The following ALK variants were observed in gnomAD, a reference collection of about 807,000 sequenced individuals.
ALK encodes the protein ALK receptor tyrosine kinase.
In ALK, 74 loss-of-function variants were observed where a neutral mutation model predicts 163.1. The ratio of observed to expected loss-of-function variants is 0.45; its 90% CI spans 0.38 to 0.55. The LOEUF is 0.55. Ranked by LOEUF, ALK falls within the 20% of genes least tolerant of loss-of-function variation. ALK has a pLI of 0.00. For missense variants in ALK, 2,063 were observed against 2,105.3 expected (o/e 0.98, Z 0.39); for synonymous variants, 960 against 843.2 (o/e 1.14, Z -2.40).
intron 15 of ALK, among the ~76,000 whole-genome samples, chr2:29,230,215 G>A (rs950681623): frequency 6.6e-6 from 1 of 151,878 alleles, no homozygotes; most frequent in African/African-American, 2.4e-5. Flanking sequence ...ACCCAATACA[G>A]GGTAAATCCT....
intron 3 of ALK, among the ~76,000 whole-genome samples, chr2:29,638,061 A>C (rs907763998): frequency 3.3e-5 from 5 of 152,140 alleles, no homozygotes; most frequent in Non-Finnish European, 5.9e-5. Flanking sequence ...AGGGCTGTGG[A>C]ATATGTTCTT....
chr2:29,920,093 C>A lies in ALK; in HGVS notation c.567G>T (p.Leu189=). The A allele has an allele frequency of 6.2e-7, 1 of 1,614,194 alleles. No homozygotes were observed. The highest frequency in any genetic ancestry group is 8.5e-7 in the Non-Finnish European group (1 of 1,180,056). Residue 189 remains leucine, a synonymous_variant, in exon 1 of 29, where the codon CTG becomes CTT. Coordinates refer to ENST00000389048, the MANE Select transcript of ALK (RefSeq NM_004304.5). ...CTTCCGACGCCTTCTTCTCGGGCAT[C>A]AGGCGGATCCTCAGTCGCCCTTCGC... ...RQGEGRLRIR[L]MPEKKASEVG... is the part of the protein sequence containing the mutation.
intron 1 of ALK, among the ~76,000 whole-genome samples, chr2:29,804,256 C>A (rs1242977788): frequency 1.3e-5 from 2 of 152,240 alleles, no homozygotes; most frequent in Non-Finnish European, 2.9e-5. Flanking sequence ...TTGCCACTGG[C>A]CCCACAGACA....
At chr2:29,483,404 C>T (rs1671709061) in intron 4 of ALK, among the ~76,000 whole-genome samples, 1 of 152,160 alleles carries the variant, frequency 6.6e-6, no homozygotes, top group Non-Finnish European at 1.5e-5. Context: ...GAGAACCACT[C>T]CTGCTATTCA....
intron 3 of ALK, among the ~76,000 whole-genome samples, chr2:29,616,948 T>G (rs1053859517): frequency 6.6e-5 from 10 of 152,242 alleles, no homozygotes; most frequent in Non-Finnish European, 1.3e-4. Flanking sequence ...TGCATGTGCT[T>G]GACCCACCTC....
chr2:29,334,795 A>T (rs766097003), intron 5 of ALK, among the ~76,000 whole-genome samples: 1 of 152,194 alleles, frequency 6.6e-6, no homozygotes, highest in African/African-American at 2.4e-5. Context: ...CTTGCAGAAG[A>T]GTCAATTAGA....
chr2:29,502,718 T>G (rs889555498), intron 4 of ALK, among the ~76,000 whole-genome samples: 1 of 152,226 alleles, frequency 6.6e-6, no homozygotes, highest in South Asian at 2.1e-4. Context: ...GAAAGCATAT[T>G]GAGTTTATGC....
chr2:29,602,242 C>T (rs1457093831), intron 3 of ALK, among the ~76,000 whole-genome samples: 1 of 152,098 alleles, frequency 6.6e-6, no homozygotes, highest in Non-Finnish European at 1.5e-5. Context: ...ACTCTTATGG[C>T]TCATTTGCCC....
chr2:29,823,119 T>C (rs375144444), intron 1 of ALK, among the ~76,000 whole-genome samples: 1 of 152,198 alleles, frequency 6.6e-6, no homozygotes, highest in African/African-American at 2.4e-5. Context: ...TGAGATCTGA[T>C]AGTTTTATAA....
intron 5 of ALK, among the ~76,000 whole-genome samples, chr2:29,342,054 T>A (rs1401341211): frequency 6.6e-6 from 1 of 152,222 alleles, no homozygotes; most frequent in Admixed American, 6.5e-5. Flanking sequence ...ATTTTTTGAA[T>A]GTGTTATCTT....
At chr2:29,600,671 G>A (rs1675357579) in intron 3 of ALK, among the ~76,000 whole-genome samples, 1 of 152,180 alleles carries the variant, frequency 6.6e-6, no homozygotes, top group Non-Finnish European at 1.5e-5. Context: ...TGGTGGGGGT[G>A]GCCCTGAGAG....
intron 1 of ALK, among the ~76,000 whole-genome samples, chr2:29,801,111 A>G: frequency 6.6e-6 from 1 of 152,222 alleles, no homozygotes; most frequent in Non-Finnish European, 1.5e-5. Context: ...CCTATGGAAG[A>G]CCATGAGGCC....
chr2:29,288,961 AATAAATAAATAAATAAATAAAT>A (rs1665939948), intron 9 of ALK, among the ~76,000 whole-genome samples: 1 of 117,022 alleles, frequency 8.5e-6, no homozygotes, highest in African/African-American at 3.6e-5. Flanking sequence ...CAAAAAAATA[AATAAATAAATAAATAAATAAAT>A]AAATAAATAA....
chr2:29,252,303 GTGT>G (rs1010784357), intron 11 of ALK, among the ~76,000 whole-genome samples: 9 of 151,924 alleles, frequency 5.9e-5, no homozygotes, highest in Non-Finnish European at 1.3e-4. Flanking sequence ...TTTTAAAAAG[GTGT>G]TGTTGATAAA....
At position 29,228,932 on chromosome 2, in the gene ALK, CT is replaced by C; in HGVS notation, c.2766del (p.Gly924ValfsTer15). On this transcript the variant is annotated frameshift_variant, in exon 16 of 29. Coordinates refer to ENST00000389048, the MANE Select transcript of ALK (RefSeq NM_004304.5). LOFTEE classifies it high-confidence loss of function. ...KWGWETRGGF[G>X]GGGGGCSSGG... ...CCTGAGGAGCACCCCCCTCCACCCC[CT>C]CCGAAACCCCCTCTTGTCTCCCACC... The C allele has an allele frequency of 1.7e-5, 25 of 1,503,610 alleles. No homozygotes were observed. The highest frequency in any genetic ancestry group is 3.4e-5 in the South Asian group (3 of 87,892). The allele number at this position is 1,503,610 out of a possible 1,614,324, so 93.1% of individuals were successfully genotyped here.
chr2:29,781,854 C>T (rs1366273519), intron 1 of ALK, among the ~76,000 whole-genome samples: 1 of 152,172 alleles, frequency 6.6e-6, no homozygotes, highest in East Asian at 1.9e-4. Context: ...CTTCTCACAG[C>T]TTTTGGGTGT....
At chr2:29,608,392 G>C (rs985680239) in intron 3 of ALK, among the ~76,000 whole-genome samples, 1 of 152,200 alleles carries the variant, frequency 6.6e-6, no homozygotes, top group African/African-American at 2.4e-5. Flanking sequence ...ATTTTAGGAT[G>C]GATGAACAGA....
intron 1 of ALK, among the ~76,000 whole-genome samples, chr2:29,869,797 T>C (rs1158320743): frequency 2.0e-5 from 3 of 152,156 alleles, no homozygotes; most frequent in Non-Finnish European, 4.4e-5. Flanking sequence ...CTAAAAACTG[T>C]ATCTGCCACA....
intron 9 of ALK, among the ~76,000 whole-genome samples, chr2:29,290,941 G>T (rs1169121307): frequency 6.6e-6 from 1 of 152,172 alleles, no homozygotes; most frequent in East Asian, 1.9e-4. Flanking sequence ...TGCAGCAGGA[G>T]GTGGTGGTGG....
Sources: allele counts gnomAD v4.1 joint callset (sites outside exome capture counted in the v4.1 genomes callset), GRCh38; gene constraint gnomAD v4.1.1; transcripts MANE v1.5; gene names NCBI Gene and HGNC (gene_info 2026-07-23, HGNC 2026-07-21).